Variants in RBFOX1 observed in about 807,000 individuals in gnomAD.
RBFOX1 encodes RNA binding fox-1 homolog 1, also known as RNA binding protein fox-1 homolog 1.
RBFOX1 carries 8 observed loss-of-function variants against 57.7 expected under a neutral mutation model. The observed-to-expected ratio is 0.14, with a 90% confidence interval of 0.08 to 0.25. The LOEUF (loss-of-function observed/expected upper bound fraction) is 0.25, where lower values mean the gene tolerates loss of function less well. RBFOX1 is among the 10% of genes least tolerant of loss of function. The probability of loss-of-function intolerance (pLI) is 1.00; values close to 1 mark genes in which losing one functional copy is unlikely to be tolerated. For missense variants in RBFOX1, 611 were observed against 548.5 expected (o/e 1.11, Z -1.14); for synonymous variants, 326 against 222.4 (o/e 1.47, Z -4.15).
intron 3 of RBFOX1, among the ~76,000 whole-genome samples, chr16:6,996,027 A>T (rs1248427996): frequency 2.0e-5 from 3 of 152,212 alleles, no homozygotes; most frequent in African/African-American, 7.2e-5. Context: ...TTCTCAACTT[A>T]CCTTGATAAC....
intron 2 of RBFOX1, among the ~76,000 whole-genome samples, chr16:6,604,838 C>G (rs902583695): frequency 1.3e-5 from 2 of 151,960 alleles, no homozygotes; most frequent in African/African-American, 4.8e-5. Flanking sequence ...TAGATGACTT[C>G]ATAAAAAGTA....
At chr16:6,722,642 C>T (rs541538895) in intron 3 of RBFOX1, among the ~76,000 whole-genome samples, 26 of 152,240 alleles carry the variant, frequency 1.7e-4, no homozygotes, top group African/African-American at 6.0e-4. Flanking sequence ...TGAAAATATC[C>T]AACTGGAAAC....
At chr16:6,339,288 C>G (rs1021083208) in intron 2 of RBFOX1, among the ~76,000 whole-genome samples, 3 of 152,182 alleles carry the variant, frequency 2.0e-5, no homozygotes, top group Admixed American at 6.5e-5. Context: ...CAACCTGAGT[C>G]AATCATCTTG....
intron 1 of RBFOX1, among the ~76,000 whole-genome samples, chr16:6,062,621 T>TATAATATATAACATAAACATATA (rs6145734): frequency 6.8e-6 from 1 of 147,712 alleles, no homozygotes; most frequent in African/African-American, 2.5e-5. Context: ...AATATATAAA[T>TATAATATATAACATAAACATATA]ATATATAACA....
intron 2 of RBFOX1, among the ~76,000 whole-genome samples, chr16:5,575,745 G>C (rs1435151044): frequency 6.6e-6 from 1 of 152,118 alleles, no homozygotes; most frequent in Non-Finnish European, 1.5e-5. Flanking sequence ...TGTCCAAATA[G>C]GAAGAAAAGA....
rs187088011 is a variant in RBFOX1 at position 5,932,970 on chromosome 16, C to T, written c.351+65635C>T. Among the ~76,000 whole-genome samples the T allele has an allele frequency of 5.3e-5, 8 of 152,200 alleles. No homozygotes were observed. The East Asian group carries it at 7.7e-4, about 15-fold the overall frequency. On this transcript the variant is annotated intron_variant, in intron 4 of 19. Coordinates refer to the RBFOX1 transcript ENST00000641259. ...TAGGTAATGATATCACTTTAAAAAG[C>T]GACACAATATTTTAACAGCATGACG...
In RBFOX1 at chr16:6,504,365, G is replaced by T. The variant is rs540301501; in HGVS notation, c.-63-150238G>T. 4.0e-4 allele frequency among the ~76,000 whole-genome samples: 61 copies of T among 152,326 alleles called. No homozygotes were observed. In the South Asian group the frequency reaches 0.013, roughly 32 times the overall value. ...TCACCATCAGACAGTTTATTTCAGA[G>T]ATCATTTGGGATCTAATGTGTTTGC... is the stretch of plus-strand genomic sequence containing the variant. On this transcript the variant is annotated intron_variant, in intron 2 of 15. Coordinates refer to ENST00000550418, the MANE Select transcript of RBFOX1 (RefSeq NM_018723.4).
In RBFOX1 at chr16:6,777,676, T is replaced by C. The variant is rs1024087550; in HGVS notation, c.-16+123026T>C. Among the ~76,000 whole-genome samples, 3 of 152,126 alleles carry C rather than the reference T, an allele frequency of 2.0e-5. 1 individual carries two copies. Among genetic ancestry groups the C allele is most frequent in the African/African-American group, 2.4e-5 (1 of 41,434 alleles). On this transcript the variant is annotated intron_variant, in intron 3 of 15. Coordinates refer to ENST00000550418, the MANE Select transcript of RBFOX1 (RefSeq NM_018723.4). ...TTAGCCTGACAGTTTCTTAAATCTGTAGACCTTGATGTTTTAATCTTATGC... is the reference window on the plus strand; with the variant it reads ...TTAGCCTGACAGTTTCTTAAATCTGCAGACCTTGATGTTTTAATCTTATGC...
Position 7,194,130 on chromosome 16 carries a change from A to T in RBFOX1, c.27+142032A>T, listed in dbSNP as rs28625713. Among the ~76,000 whole-genome samples, 1,425 of 152,270 alleles carry T rather than the reference A, an allele frequency of 9.4e-3. 19 individuals are homozygous for T. Among genetic ancestry groups the T allele is most frequent in the African/African-American group, 0.032 (1,324 of 41,552 alleles). ...CCATTACCCTATTCGTGTCAATGAG[A>T]AAGTCTTTATTTGGTACTAGAGTGT... On this transcript the variant is annotated intron_variant, in intron 4 of 15. Transcript: ENST00000550418.
chr16:7,458,831 T>C (rs1296940232), intron 4 of RBFOX1, among the ~76,000 whole-genome samples: 2 of 152,210 alleles, frequency 1.3e-5, no homozygotes, highest in South Asian at 2.1e-4. Context: ...ACTTTTGCCA[T>C]ATTGCTTATC....
rs558824723 is a variant in RBFOX1, at chr16:7,619,743, T to C, written c.677-10860T>C. Among the ~76,000 whole-genome samples, 7 of 152,324 alleles carry C rather than the reference T, an allele frequency of 4.6e-5. No homozygotes were observed. The South Asian group carries it at 1.5e-3, about 32-fold the overall frequency. Reference sequence around the variant, plus strand: ...TGCACAGACTTGTAAATTCCACTGTTTTCAGTTGAATGACAGTTTCTAATT... The same window carrying C: ...TGCACAGACTTGTAAATTCCACTGTCTTCAGTTGAATGACAGTTTCTAATT... On this transcript the variant is annotated intron_variant, in intron 10 of 15. Coordinates refer to ENST00000550418, the MANE Select transcript of RBFOX1 (RefSeq NM_018723.4).
intron 14 of RBFOX1, among the ~76,000 whole-genome samples, chr16:7,707,410 G>A (rs547584850): frequency 6.6e-6 from 1 of 152,262 alleles, no homozygotes; most frequent in African/African-American, 2.4e-5. Flanking sequence ...AACAGGAAAG[G>A]AGAGGGAAAA....
At chr16:6,596,219 T>G (rs368521619) in intron 2 of RBFOX1, among the ~76,000 whole-genome samples, 1 of 151,978 alleles carries the variant, frequency 6.6e-6, no homozygotes, top group Non-Finnish European at 1.5e-5. Context: ...CTCCTGTTTC[T>G]TTTTTCTGGG....
intron 3 of RBFOX1, among the ~76,000 whole-genome samples, chr16:5,734,344 C>G (rs1245533024): frequency 6.6e-6 from 1 of 152,174 alleles, no homozygotes; most frequent in Non-Finnish European, 1.5e-5. Context: ...AGGAGGATCA[C>G]TTGAGCCCAG....
intron 3 of RBFOX1, among the ~76,000 whole-genome samples, chr16:7,037,840 A>C (rs930027579): frequency 4.6e-5 from 7 of 152,170 alleles, no homozygotes; most frequent in African/African-American, 1.7e-4. Flanking sequence ...AATGTCTCTC[A>C]GTTAATATGA....
chr16:6,271,621 A>C (rs2075228336), intron 1 of RBFOX1, among the ~76,000 whole-genome samples: 1 of 152,226 alleles, frequency 6.6e-6, no homozygotes, highest in Non-Finnish European at 1.5e-5. Context: ...AGGGAATATC[A>C]CTACAGACTT....
intron 1 of RBFOX1, among the ~76,000 whole-genome samples, chr16:5,459,667 G>A (rs974352604): frequency 1.3e-5 from 2 of 151,902 alleles, no homozygotes; most frequent in Non-Finnish European, 2.9e-5. Flanking sequence ...AAGCAAGTCG[G>A]GAAATGAGAG....
intron 3 of RBFOX1, among the ~76,000 whole-genome samples, chr16:6,999,202 T>TTATTTTTTA (rs2092550059): frequency 3.8e-5 from 3 of 78,046 alleles, no homozygotes; most frequent in South Asian, 5.4e-4. Flanking sequence ...TTATTTTATT[T>TTATTTTTTA]TTTATTTTTA....
chr16:5,771,273 T>C (rs2053967904), intron 3 of RBFOX1, among the ~76,000 whole-genome samples: 1 of 152,262 alleles, frequency 6.6e-6, no homozygotes, highest in Non-Finnish European at 1.5e-5. Context: ...TGAGAAGCTC[T>C]GACCTGGAGG....
Sources: gnomAD v4.1 joint callset for allele counts (sites outside exome capture counted in the v4.1 genomes callset) on GRCh38, gnomAD v4.1.1 for gene constraint, MANE v1.5 for transcripts, NCBI Gene and HGNC (gene_info 2026-07-23, HGNC 2026-07-21) for gene names.